Variants in FSD1L observed in about 807,000 individuals in gnomAD.
FSD1L encodes FSD1-like protein.
In FSD1L, 45 loss-of-function variants were observed where a neutral mutation model predicts 71.6. The observed-to-expected ratio is 0.63, with a 90% CI of 0.49 to 0.81. The LOEUF (loss-of-function observed/expected upper bound fraction) is 0.81. FSD1L is among the 30% of genes least tolerant of loss of function. FSD1L has a pLI of 0.00. For missense variants in FSD1L, 561 were observed against 618.1 expected (o/e 0.91, Z 0.98); for synonymous variants, 197 against 207.2 (o/e 0.95, Z 0.42).
upstream of FSD1L, among the ~76,000 whole-genome samples, chr9:105,445,323 G>A (rs555554320): frequency 3.9e-5 from 6 of 152,284 alleles, no homozygotes; most frequent in Admixed American, 3.9e-4. Context: ...GCCAAATGGG[G>A]TAGAGATGTT....
intron 10 of FSD1L, among the ~76,000 whole-genome samples, chr9:105,517,122 G>A (rs1483564825): frequency 1.3e-5 from 2 of 152,112 alleles, no homozygotes; most frequent in Admixed American, 1.3e-4. Context: ...GACAAGATTA[G>A]AGAAAAAAGA....
intron 7 of FSD1L, among the ~76,000 whole-genome samples, chr9:105,492,082 C>G (rs1452927765): frequency 6.6e-6 from 1 of 152,008 alleles, no homozygotes; most frequent in Admixed American, 6.5e-5. Context: ...GGTACCAGTT[C>G]CTCCTTGTAC....
chr9:105,546,576 G>A lies in FSD1L; in HGVS notation c.*93G>A, dbSNP rs1218290869. On this transcript the variant is annotated 3_prime_UTR_variant, in exon 14 of 14. Transcript: ENST00000481272. ...AGGAATTTGGTAGTAGTGAAAATCA[G>A]GTTTGCTGTGTTCTGCTTTGAGGCC... 6.9e-6 allele frequency: 9 copies of A among 1,305,684 alleles called. No individual in the cohort carries two copies. Among genetic ancestry groups the A allele is most frequent in the Non-Finnish European group, 9.2e-6 (9 of 980,536 alleles). 80.9% of individuals were successfully genotyped at this position (1,305,684 alleles called of 1,614,324 possible).
chr9:105,520,052 C>G (rs994168632), intron 10 of FSD1L: 3 of 1,518,700 alleles, frequency 2.0e-6, no homozygotes, highest in African/African-American at 1.4e-5. Flanking sequence ...GTCTCCTCCC[C>G]GTCCACTCCC....
intron 6 of FSD1L, among the ~76,000 whole-genome samples, chr9:105,481,067 G>A (rs140661289): frequency 1.7e-3 from 257 of 149,488 alleles, no homozygotes; most frequent in Middle Eastern, 3.4e-3. Context: ...GGTTTTTTGC[G>A]TCTTCTAAGC....
At chr9:105,533,414 A>ATCTTTTTTTTTTTT (rs1836031429) in intron 10 of FSD1L, among the ~76,000 whole-genome samples, 1 of 13,376 alleles carries the variant, frequency 7.5e-5, no homozygotes, top group Non-Finnish European at 1.7e-4. Flanking sequence ...TGCCATTTCC[A>ATCTTTTTTTTTTTT]TCTTTTTTTT....
chr9:105,477,881 AT>A (rs1357624082), intron 5 of FSD1L, among the ~76,000 whole-genome samples: 3 of 152,206 alleles, frequency 2.0e-5, no homozygotes, highest in Non-Finnish European at 4.4e-5. Flanking sequence ...AAATAGAATG[AT>A]TAATATACAA....
At chr9:105,452,170 C>T (rs545592939) in intron 1 of FSD1L, among the ~76,000 whole-genome samples, 2 of 152,336 alleles carry the variant, frequency 1.3e-5, no homozygotes, top group Admixed American at 1.3e-4. Context: ...CAGTTTCCTG[C>T]TCCAAGCTAT....
chr9:105,507,472 CATTT>C (rs1310740358), intron 8 of FSD1L, among the ~76,000 whole-genome samples: 5 of 152,154 alleles, frequency 3.3e-5, no homozygotes, highest in African/African-American at 1.2e-4. Context: ...TAATACATCT[CATTT>C]ATCTTTACAA....
chr9:105,475,369 G>A (rs568869218), intron 5 of FSD1L, among the ~76,000 whole-genome samples: 1 of 152,288 alleles, frequency 6.6e-6, no homozygotes, highest in South Asian at 2.1e-4. Context: ...AATGGGTTTA[G>A]TGTATTTCCC....
chr9:105,518,856 A>C (rs1297623269), intron 10 of FSD1L, among the ~76,000 whole-genome samples: 5 of 152,232 alleles, frequency 3.3e-5, no homozygotes, highest in Non-Finnish European at 5.9e-5. Flanking sequence ...CCTTTAAAAA[A>C]ATCAGTGAAT....
At chr9:105,494,251 T>C (rs1207567190) in intron 7 of FSD1L, among the ~76,000 whole-genome samples, 2 of 152,202 alleles carry the variant, frequency 1.3e-5, no homozygotes, top group Non-Finnish European at 2.9e-5. Flanking sequence ...TTCATTCATT[T>C]CATCTTCCAT....
Position 105,543,357 on chromosome 9 carries a change from T to G in FSD1L, c.1468-3001T>G, listed in dbSNP as rs181908137. 9.2e-3 allele frequency among the ~76,000 whole-genome samples: 1,399 copies of G among 152,342 alleles called. 22 individuals carry two copies. The highest frequency in any genetic ancestry group is 0.032 in the African/African-American group (1,341 of 41,570). ...TTTCATATTTTAATTCTTTTGACTG[T>G]GTCCCAAATCTTATGTCTCACTTTA... On this transcript the variant is annotated intron_variant, in intron 13 of 13. Coordinates refer to ENST00000481272, the MANE Select transcript of FSD1L (RefSeq NM_001145313.3).
At chr9:105,467,030 CT>C (rs1408117550) in intron 3 of FSD1L, among the ~76,000 whole-genome samples, 1 of 152,142 alleles carries the variant, frequency 6.6e-6, no homozygotes, top group African/African-American at 2.4e-5. Context: ...TAGTCTGTTT[CT>C]TTTTTATGAA....
chr9:105,496,906 A>G (rs143265580), intron 7 of FSD1L, among the ~76,000 whole-genome samples: 39 of 152,356 alleles, frequency 2.6e-4, no homozygotes, highest in Non-Finnish European at 3.1e-4. Context: ...ACTATGTTGG[A>G]AGCAGTAGAA....
chr9:105,497,941 T>C (rs968024965), intron 7 of FSD1L, among the ~76,000 whole-genome samples: 8 of 152,120 alleles, frequency 5.3e-5, no homozygotes, highest in African/African-American at 1.9e-4. Context: ...ACTCCTGGGC[T>C]CAAGGGATCT....
intron 10 of FSD1L, among the ~76,000 whole-genome samples, chr9:105,516,505 G>A (rs1302247677): frequency 3.3e-5 from 5 of 152,222 alleles, no homozygotes; most frequent in Middle Eastern, 3.4e-3. Context: ...ACAGGCAGCA[G>A]TCTTTGCTGT....
At position 105,474,851 on chromosome 9, in the gene FSD1L, T is replaced by C. The variant is rs534027211; in HGVS notation, c.441+2846T>C. ...ATGAGAACTGAATGTGAAGTTATGC[T>C]ATTTACTGGCATTTTACTTTCTGAA... On this transcript the variant is annotated intron_variant, in intron 5 of 13. Coordinates refer to ENST00000481272, the MANE Select transcript of FSD1L (RefSeq NM_001145313.3). 1.4e-4 allele frequency among the ~76,000 whole-genome samples: 22 copies of C among 152,386 alleles called. No individual in the cohort carries two copies. The South Asian group carries it at 4.3e-3, about 30-fold the overall frequency.
chr9:105,493,250 T>C (rs1452735280), intron 7 of FSD1L, among the ~76,000 whole-genome samples: 1 of 152,202 alleles, frequency 6.6e-6, no homozygotes, highest in Non-Finnish European at 1.5e-5. Flanking sequence ...TTTACCATTA[T>C]GTAATGGCCT....
Sources: gnomAD v4.1 joint callset for allele counts (sites outside exome capture counted in the v4.1 genomes callset) on GRCh38, gnomAD v4.1.1 for gene constraint, MANE v1.5 for transcripts, NCBI Gene and HGNC (gene_info 2026-07-23, HGNC 2026-07-21) for gene names.